UNC5D: variants seen among roughly 807,000 people sequenced by gnomAD.
The protein encoded by UNC5D is netrin receptor UNC5D.
A neutral mutation model predicts 105.4 loss-of-function variants in UNC5D; 39 were observed. That is an observed-to-expected ratio of 0.37 (90% CI 0.29 to 0.48). The LOEUF (loss-of-function observed/expected upper bound fraction) is 0.48. UNC5D is among the 20% of genes least tolerant of loss of function. The pLI is 0.98. For missense variants in UNC5D, 991 were observed against 1,202.4 expected (o/e 0.82, Z 2.60); for synonymous variants, 452 against 450.4 (o/e 1.00, Z -0.04).
chr8:35,298,632 G>C (rs1248537626), intron 1 of UNC5D, among the ~76,000 whole-genome samples: 1 of 148,914 alleles, frequency 6.7e-6, no homozygotes, highest in Non-Finnish European at 1.5e-5. Flanking sequence ...GGGGAGAAGG[G>C]CTGATAAAGT....
intron 6 of UNC5D, among the ~76,000 whole-genome samples, chr8:35,685,302 A>G (rs1236016568): frequency 6.6e-6 from 1 of 152,158 alleles, no homozygotes; most frequent in East Asian, 1.9e-4. Context: ...GTAAAAAGAG[A>G]TACTTCATTT....
intron 11 of UNC5D, among the ~76,000 whole-genome samples, chr8:35,746,339 G>A (rs1462071836): frequency 6.6e-6 from 1 of 152,116 alleles, no homozygotes; most frequent in Non-Finnish European, 1.5e-5. Context: ...GAAGGTAGCA[G>A]AAAAGGGCAT....
chr8:35,584,729 G>A (rs1818673793), intron 3 of UNC5D, among the ~76,000 whole-genome samples: 1 of 151,922 alleles, frequency 6.6e-6, no homozygotes, highest in Non-Finnish European at 1.5e-5. Flanking sequence ...GGAATTACAA[G>A]CAAAAGACAC....
intron 15 of UNC5D, among the ~76,000 whole-genome samples, chr8:35,767,993 A>T (rs1326266779): frequency 3.3e-5 from 5 of 150,514 alleles, no homozygotes; most frequent in African/African-American, 1.2e-4. Context: ...TTTTTCACTT[A>T]TAAAATAAAT....
intron 1 of UNC5D, among the ~76,000 whole-genome samples, chr8:35,468,398 T>A (rs1809467825): frequency 6.6e-6 from 1 of 152,190 alleles, no homozygotes; most frequent in Non-Finnish European, 1.5e-5. Flanking sequence ...AAAAGTTCGA[T>A]TTCAGTGCTG....
rs33929902 is a variant in UNC5D, at chr8:35,385,462, C to CT, written c.103+149596dup. Among the ~76,000 whole-genome samples, 82 of 84,618 alleles carry CT rather than the reference C, an allele frequency of 9.7e-4. 1 individual carries two copies. Among genetic ancestry groups the CT allele is most frequent in the Middle Eastern group, 8.2e-3 (1 of 122 alleles). The allele number at this position is 84,618 out of a possible 152,430, so 55.5% of individuals were successfully genotyped here. A position where few individuals can be genotyped will look rare whatever the true frequency, so the allele number is the denominator to read the frequency against. On this transcript the variant is annotated intron_variant, in intron 1 of 16. Coordinates refer to ENST00000404895, the MANE Select transcript of UNC5D (RefSeq NM_080872.4). ...TGTCTTCACATCCCTCTACCTACCT[C>CT]TTTTTTTTTTTTTTTTTTTTTGTGA...
chr8:35,555,026 G>A (rs1816437630), intron 2 of UNC5D, among the ~76,000 whole-genome samples: 1 of 152,072 alleles, frequency 6.6e-6, no homozygotes, highest in Non-Finnish European at 1.5e-5. Flanking sequence ...CTGGTAATGG[G>A]GATTTGAATA....
chr8:35,607,639 G>A (rs971276434), intron 4 of UNC5D, among the ~76,000 whole-genome samples: 3 of 152,124 alleles, frequency 2.0e-5, no homozygotes, highest in African/African-American at 4.8e-5. Context: ...TCATGATAGT[G>A]AGTGAGTTCT....
chr8:35,282,116 G>T (rs1425839437), intron 1 of UNC5D, among the ~76,000 whole-genome samples: 1 of 152,156 alleles, frequency 6.6e-6, no homozygotes, highest in Non-Finnish European at 1.5e-5. Context: ...CTAACAAATT[G>T]TTTTTCTTAT....
chr8:35,702,701 C>T (rs115119062), intron 7 of UNC5D, among the ~76,000 whole-genome samples: 624 of 152,240 alleles, frequency 4.1e-3, no homozygotes, highest in African/African-American at 0.013. Flanking sequence ...AGAACAATCT[C>T]GATCAGATAT....
chr8:35,536,199 T>C (rs190328426), intron 1 of UNC5D, among the ~76,000 whole-genome samples: 1 of 152,334 alleles, frequency 6.6e-6, no homozygotes, highest in East Asian at 1.9e-4. Flanking sequence ...TGTACAAGTT[T>C]CACATCCCAA....
At chr8:35,654,479 C>T (rs974370349) in intron 4 of UNC5D, among the ~76,000 whole-genome samples, 2 of 152,166 alleles carry the variant, frequency 1.3e-5, no homozygotes, top group East Asian at 1.9e-4. Flanking sequence ...TGTCTATACG[C>T]GTGGCTCACT....
At chr8:35,308,691 A>G (rs1309454286) in intron 1 of UNC5D, among the ~76,000 whole-genome samples, 6 of 152,140 alleles carry the variant, frequency 3.9e-5, no homozygotes, top group African/African-American at 1.4e-4. Context: ...TGTTTATACT[A>G]GAATTACAAA....
intron 1 of UNC5D, among the ~76,000 whole-genome samples, chr8:35,304,777 G>C (rs570031108): frequency 6.6e-6 from 1 of 152,250 alleles, no homozygotes; most frequent in East Asian, 1.9e-4. Flanking sequence ...GTCACAGTGT[G>C]ACCTATTGGG....
chr8:35,632,088 A>G (rs144152136), intron 4 of UNC5D, among the ~76,000 whole-genome samples: 1 of 152,326 alleles, frequency 6.6e-6, no homozygotes, highest in African/African-American at 2.4e-5. Context: ...ACAGGAATCT[A>G]TTGCATTTCA....
chr8:35,634,626 A>G (rs1822242128), intron 4 of UNC5D, among the ~76,000 whole-genome samples: 1 of 152,144 alleles, frequency 6.6e-6, no homozygotes, highest in African/African-American at 2.4e-5. Flanking sequence ...AAGGTTACAA[A>G]TACTGATGCA....
chr8:35,759,431 C>T lies in UNC5D; in HGVS notation c.2275C>T (p.Pro759Ser), dbSNP rs765119398. The change falls in exon 14 of 17, where the codon CCA (proline) becomes TCA (serine). Residue 759 changes from proline to serine, a missense_variant. Transcript: ENST00000404895. ...TCAGATTTCTGTCCTTGATATTCCC[C>T]CATTCCTCTGGAGAATTAAACCATT... ...SLQISVLDIPPFLWRIKPFTA... is the reference protein window; with the variant it reads ...SLQISVLDIPSFLWRIKPFTA... 3.7e-6 allele frequency: 6 copies of T among 1,614,032 alleles called. No individual in the cohort carries two copies. In the South Asian group the frequency reaches 6.6e-5, roughly 18 times the overall value.
At chr8:35,358,471 T>C (rs904835125) in intron 1 of UNC5D, among the ~76,000 whole-genome samples, 1 of 152,004 alleles carries the variant, frequency 6.6e-6, no homozygotes, top group Middle Eastern at 3.2e-3. Flanking sequence ...GAATAATACA[T>C]ACTGAGGCCT....
At chr8:35,363,223 G>C (rs2128919510) in intron 1 of UNC5D, among the ~76,000 whole-genome samples, 1 of 152,270 alleles carries the variant, frequency 6.6e-6, no homozygotes, top group Non-Finnish European at 1.5e-5. Context: ...AGTTCCATGT[G>C]TCTTGGGAAG....
Sources: gnomAD v4.1 joint callset for allele counts (sites outside exome capture counted in the v4.1 genomes callset) on GRCh38, gnomAD v4.1.1 for gene constraint, MANE v1.5 for transcripts, NCBI Gene and HGNC (gene_info 2026-07-23, HGNC 2026-07-21) for gene names.